The following BICD1 variants were observed in gnomAD, a reference collection of about 807,000 sequenced individuals.
The protein encoded by BICD1 is protein bicaudal D homolog 1.
In BICD1, 35 loss-of-function variants were observed where a neutral mutation model predicts 92.5. That is an observed-to-expected ratio of 0.38 (90% confidence interval 0.29 to 0.50). The LOEUF (loss-of-function observed/expected upper bound fraction) is 0.50. Among genes scored for constraint, BICD1 ranks in the 20% least tolerant of loss-of-function variants. BICD1 has a pLI of 0.93. For missense variants in BICD1, 950 were observed against 1,189.8 expected, an observed-to-expected ratio of 0.80 and a Z score of 2.97; for synonymous variants, 429 against 465.1, an observed-to-expected ratio of 0.92 and a Z score of 1.00.
chr12:32,207,046 A>G (rs2121549728), intron 1 of BICD1, among the ~76,000 whole-genome samples: 1 of 152,364 alleles, frequency 6.6e-6, no homozygotes. Flanking sequence ...TACAAAATGC[A>G]GGATAGTGTT....
chr12:32,305,822 C>T lies in BICD1; in HGVS notation c.705C>T (p.Leu235=), dbSNP rs11051922. 0.02 allele frequency: 32,793 copies of T among 1,614,022 alleles called. 395 individuals carry two copies. Among genetic ancestry groups the T allele is most frequent in the Non-Finnish European group, 0.024 (28,141 of 1,180,002 alleles). The part of the protein sequence containing the change: ...EIAEHQLEEA[L]ETLKNEREQK... ...CTGAGCACCAACTGGAAGAAGCCCT[C>T]GAGACTTTAAAAAATGAAAGAGAGC... is the stretch of plus-strand genomic sequence containing the variant. The change falls in exon 4 of 10, where the codon CTC becomes CTT. Residue 235 remains leucine (L), a synonymous_variant. Coordinates refer to ENST00000652176, the MANE Select transcript of BICD1 (RefSeq NM_001714.4).
At chr12:32,186,470 C>T (rs891582048) in intron 1 of BICD1, among the ~76,000 whole-genome samples, 1 of 152,210 alleles carries the variant, frequency 6.6e-6, no homozygotes, top group Admixed American at 6.5e-5. Flanking sequence ...AATCTTTCCA[C>T]TGTCTCAGCA....
intron 4 of BICD1, among the ~76,000 whole-genome samples, chr12:32,315,908 C>T (rs7956708): frequency 0.2 from 30,779 of 151,660 alleles, 3,806 homozygotes; most frequent in East Asian, 0.57. Context: ...GGCTGAGATG[C>T]GTGGATCATC....
intron 1 of BICD1, among the ~76,000 whole-genome samples, chr12:32,128,581 A>T (rs1421732546): frequency 6.8e-6 from 1 of 147,916 alleles, no homozygotes; most frequent in Admixed American, 7.1e-5. Context: ...CATTTTTAGT[A>T]TTATGAAAAA....
intron 4 of BICD1, among the ~76,000 whole-genome samples, chr12:32,311,490 C>A (rs1294202348): frequency 6.6e-6 from 1 of 152,132 alleles, no homozygotes; most frequent in East Asian, 1.9e-4. Context: ...GATCAAGACT[C>A]TGTCTCAAAA....
At chr12:32,181,923 T>G (rs1001715988) in intron 1 of BICD1, among the ~76,000 whole-genome samples, 3 of 152,040 alleles carry the variant, frequency 2.0e-5, no homozygotes, top group Non-Finnish European at 4.4e-5. Context: ...AGCTGATTTG[T>G]CTGGGCCATA....
intron 8 of BICD1, among the ~76,000 whole-genome samples, chr12:32,345,352 A>G (rs1938527545): frequency 6.6e-6 from 1 of 152,084 alleles, no homozygotes; most frequent in Non-Finnish European, 1.5e-5. Flanking sequence ...ACATTTTTAT[A>G]CTTGCTGTAT....
At chr12:32,333,837 A>C (rs1408317599) in intron 5 of BICD1, among the ~76,000 whole-genome samples, 1 of 152,220 alleles carries the variant, frequency 6.6e-6, no homozygotes, top group East Asian at 1.9e-4. Flanking sequence ...CCCAGATTCA[A>C]ACAAATGTTT....
chr12:32,305,027 A>C (rs184585297), intron 3 of BICD1, among the ~76,000 whole-genome samples: 3 of 151,958 alleles, frequency 2.0e-5, no homozygotes, highest in East Asian at 1.9e-4. Flanking sequence ...CTCTCAAAAC[A>C]AACCAACCAA....
At chr12:32,336,880 G>C (rs193081752) in intron 6 of BICD1, among the ~76,000 whole-genome samples, 7 of 152,270 alleles carry the variant, frequency 4.6e-5, no homozygotes, top group Admixed American at 4.6e-4. Flanking sequence ...GGGAGACTGA[G>C]GCAAGAAGAT....
intron 2 of BICD1, among the ~76,000 whole-genome samples, chr12:32,224,160 G>T (rs1445308595): frequency 1.3e-5 from 2 of 152,186 alleles, no homozygotes; most frequent in African/African-American, 4.8e-5. Context: ...GGACACTTCT[G>T]TGAAGGCATG....
chr12:32,153,349 C>T (rs1465111322), intron 1 of BICD1, among the ~76,000 whole-genome samples: 1 of 152,122 alleles, frequency 6.6e-6, no homozygotes, highest in Non-Finnish European at 1.5e-5. Context: ...TGTGTCTTTG[C>T]TATTGTGAAT....
At chr12:32,113,562 G>A (rs1211660017) in intron 1 of BICD1, among the ~76,000 whole-genome samples, 3 of 140,528 alleles carry the variant, frequency 2.1e-5, no homozygotes, top group Non-Finnish European at 4.7e-5. Context: ...ATTTTTTTTT[G>A]AGACTGAGTC....
intron 1 of BICD1, among the ~76,000 whole-genome samples, chr12:32,123,425 C>T (rs145786229): frequency 1.3e-3 from 205 of 152,310 alleles, no homozygotes; most frequent in African/African-American, 4.8e-3. Flanking sequence ...CATTCAAGCA[C>T]GACTAAGACC....
At chr12:32,373,603 C>T (rs1020799977) in intron 9 of BICD1, among the ~76,000 whole-genome samples, 3 of 151,976 alleles carry the variant, frequency 2.0e-5, no homozygotes, top group East Asian at 3.9e-4. Context: ...CCAGGTGCAG[C>T]GGCTCACGCC....
chr12:32,353,299 CA>C (rs1938964445), intron 8 of BICD1: 1 of 151,992 alleles, frequency 6.6e-6, no homozygotes, highest in South Asian at 2.1e-4. Flanking sequence ...AGTATTTAAA[CA>C]TTTTGCTTTT....
At chr12:32,134,293 T>C (rs551760006) in intron 1 of BICD1, among the ~76,000 whole-genome samples, 4 of 152,168 alleles carry the variant, frequency 2.6e-5, no homozygotes, top group Non-Finnish European at 5.9e-5. Context: ...TAGATCATGC[T>C]ATGGTCCCCG....
intron 1 of BICD1, among the ~76,000 whole-genome samples, chr12:32,158,266 C>T (rs1007441646): frequency 2.0e-5 from 3 of 151,936 alleles, no homozygotes; most frequent in Non-Finnish European, 4.4e-5. Context: ...CCCCCATGCC[C>T]GGCTGATTTT....
chr12:32,270,173 TGAGA>T (rs1166681257), intron 2 of BICD1, among the ~76,000 whole-genome samples: 2 of 150,980 alleles, frequency 1.3e-5, no homozygotes, highest in Non-Finnish European at 2.9e-5. Context: ...TATCTGTTAA[TGAGA>T]GAGACTAAAA....
Sources: allele counts gnomAD v4.1 joint callset (sites outside exome capture counted in the v4.1 genomes callset), GRCh38; gene constraint gnomAD v4.1.1; transcripts MANE v1.5; gene names NCBI Gene and HGNC (gene_info 2026-07-23, HGNC 2026-07-21).